PNPLA7: variants seen among roughly 807,000 people sequenced by gnomAD.
PNPLA7 encodes patatin like domain 7, lysophospholipase.
Under a neutral mutation model 161.7 loss-of-function variants are expected in PNPLA7, and 153 were observed. That is an observed-to-expected ratio of 0.95 (90% CI 0.83 to 1.08). The LOEUF (loss-of-function observed/expected upper bound fraction) is 1.08, where lower values mean the gene tolerates loss of function less well. Among genes scored for constraint, PNPLA7 ranks in the 50% least tolerant of loss-of-function variants. The probability of loss-of-function intolerance (pLI) is 0.00; values close to 1 mark genes in which losing one functional copy is unlikely to be tolerated. For missense variants in PNPLA7, 1,739 were observed against 1,856.6 expected (o/e 0.94, Z 1.16); for synonymous variants, 809 against 782.1 (o/e 1.03, Z -0.57).
In PNPLA7 at chr9:137,495,018, C is replaced by T. The variant is rs1359734723; in HGVS notation, c.2127+15G>A. 1 of 1,600,074 alleles carries T rather than the reference C, an allele frequency of 6.2e-7. No individual in the cohort carries two copies. Among genetic ancestry groups the T allele is most frequent in the East Asian group, 2.2e-5 (1 of 44,694 alleles). On this transcript the variant is annotated intron_variant, in intron 19 of 34. Coordinates refer to ENST00000406427, the MANE Select transcript of PNPLA7 (RefSeq NM_001098537.3). ...ACCCTCATCCGCTCCGCATCCTCACCCACGCCATGCTCACCTGTGGGTACC... is the reference window on the plus strand; with the variant it reads ...ACCCTCATCCGCTCCGCATCCTCACTCACGCCATGCTCACCTGTGGGTACC...
Position 137,500,969 on chromosome 9 carries a change from C to A in PNPLA7, c.1552-73G>T. The A allele has an allele frequency of 7.3e-7, 1 of 1,375,000 alleles. No homozygotes were observed. Among genetic ancestry groups the A allele is most frequent in the Non-Finnish European group, 9.9e-7 (1 of 1,014,072 alleles). 85.2% of individuals were successfully genotyped at this position (1,375,000 alleles called of 1,614,324 possible). ...GACGGGGGCAGCTCTGGGCCCAGAG[C>A]GGACGATGCCACCAGGCTCAGCCGG... On this transcript the variant is annotated intron_variant, in intron 15 of 34. Transcript: ENST00000406427. This position sits in a 1 kb window ranked among gnomAD's most constrained non-coding sequence, Gnocchi z 5.5.
chr9:137,525,105 A>C (rs1835232849), intron 8 of PNPLA7, among the ~76,000 whole-genome samples: 1 of 152,226 alleles, frequency 6.6e-6, no homozygotes, highest in African/African-American at 2.4e-5. Context: ...AAGACCAAGC[A>C]TGTGACTAGA....
chr9:137,520,056 A>C lies in PNPLA7; in HGVS notation c.958-13T>G. 1 of 1,611,566 alleles carries C rather than the reference A, an allele frequency of 6.2e-7. No individual in the cohort carries two copies. The highest frequency in any genetic ancestry group is 8.5e-7 in the Non-Finnish European group (1 of 1,179,696). ...TGGCCTGGCTCTCCTGGGACACAAG[A>C]AGGAAGTTCAGTGCCACCCCAGGAA... On this transcript the variant is annotated splice_polypyrimidine_tract_variant and intron_variant, in intron 10 of 34. Transcript: ENST00000406427. The surrounding 1 kb of genome is among the most constrained non-coding windows in gnomAD (Gnocchi z 5.2).
chr9:137,500,750 GAAGAT>G lies in PNPLA7; in HGVS notation c.1693_1697del (p.Ile565HisfsTer20), dbSNP rs1205592867. ...TGCAGTCCCTGTTGGCCTTGACGGTGAAGATGAGAGGCTCCCCGGTGAGCACGGCC... is the reference window on the plus strand; with the variant it reads ...TGCAGTCCCTGTTGGCCTTGACGGTGGAGAGGCTCCCCGGTGAGCACGGCC... On this transcript the variant is annotated frameshift_variant, in exon 16 of 35. Coordinates refer to ENST00000406427, the MANE Select transcript of PNPLA7 (RefSeq NM_001098537.3). LOFTEE classifies it high-confidence loss of function. This position sits in a 1 kb window ranked among gnomAD's most constrained non-coding sequence, Gnocchi z 5.5. 3.0e-5 allele frequency: 48 copies of G among 1,612,386 alleles called. No individual in the cohort carries two copies. Among genetic ancestry groups the G allele is most frequent in the Non-Finnish European group, 3.9e-5 (46 of 1,179,904 alleles).
At chr9:137,501,055 C>T (rs985182611) in intron 15 of PNPLA7, among the ~76,000 whole-genome samples, 159 bp from the exon 16 acceptor site, 10 of 152,192 alleles carry the variant, frequency 6.6e-5, no homozygotes, top group Admixed American at 2.6e-4. Context: ...ATTTCGGCAG[C>T]GTCTACGGTT....
intron 19 of PNPLA7, among the ~76,000 whole-genome samples, chr9:137,493,958 G>A (rs183600697): frequency 7.9e-5 from 12 of 152,352 alleles, no homozygotes; most frequent in Non-Finnish European, 1.3e-4. Context: ...GCGGGCAGGA[G>A]AACCATGGCC....
At chr9:137,502,729 G>GGGGGGGACGCGGGGGACGCGGGGGACGA (rs1564321721) in intron 14 of PNPLA7, among the ~76,000 whole-genome samples, 1 of 68,948 alleles carries the variant, frequency 1.5e-5, no homozygotes, top group East Asian at 5.2e-4. Context: ...CGCGGGGGAC[G>GGGGGGGACGCGGGGGACGCGGGGGACGA]GGGGGGACGA....
In PNPLA7 at chr9:137,499,926, G is replaced by C. The variant is rs1346688891; in HGVS notation, c.1757+765C>G. On this transcript the variant is annotated intron_variant, in intron 16 of 34. Transcript: ENST00000406427. The surrounding 1 kb of genome is among the most constrained non-coding windows in gnomAD (Gnocchi z 5.5). ...CCTATGAGGGTGCGGAGGACTTCCA[G>C]AAAACACACACAGAACGGCTCAAGC... Among the ~76,000 whole-genome samples, 1 of 152,256 alleles carries C rather than the reference G, an allele frequency of 6.6e-6. No homozygotes were observed. The highest frequency in any genetic ancestry group is 1.5e-5 in the Non-Finnish European group (1 of 68,044).
intron 25 of PNPLA7, among the ~76,000 whole-genome samples, chr9:137,471,200 A>G (rs1831687371): frequency 2.0e-5 from 3 of 152,280 alleles, no homozygotes; most frequent in Non-Finnish European, 2.9e-5. Flanking sequence ...CAACAAAGCT[A>G]CAAGAATAAA....
chr9:137,492,922 GC>G, intron 20 of PNPLA7, 90 bp downstream of exon 20: 6 of 1,116,466 alleles, frequency 5.4e-6, no homozygotes, highest in Non-Finnish European at 7.6e-6. Flanking sequence ...GGGGCCATGG[GC>G]TGGGAGGGCG....
Position 137,541,320 on chromosome 9 carries a change from G to C in PNPLA7, c.667-598C>G. The C allele has an allele frequency of 1.7e-6, 1 of 599,952 alleles. No individual in the cohort carries two copies. Among genetic ancestry groups the C allele is most frequent in the Non-Finnish European group, 2.1e-6 (1 of 477,692 alleles). 37.2% of individuals were successfully genotyped at this position (599,952 alleles called of 1,614,324 possible). On this transcript the variant is annotated intron_variant, in intron 7 of 34. Transcript: ENST00000406427. This position sits in a 1 kb window ranked among gnomAD's most constrained non-coding sequence, Gnocchi z 4.4. ...ACGAAAGCCGCTGCTTCACCAGCTGGGCGGCCTCATCCCCAGGAGCTACTG... is the reference window on the plus strand; with the variant it reads ...ACGAAAGCCGCTGCTTCACCAGCTGCGCGGCCTCATCCCCAGGAGCTACTG...
intron 8 of PNPLA7, among the ~76,000 whole-genome samples, chr9:137,538,246 T>A (rs1835999250): frequency 6.6e-6 from 1 of 152,038 alleles, no homozygotes; most frequent in African/African-American, 2.4e-5. Context: ...AGGCCACGCG[T>A]CACGTGAAGA....
Position 137,462,856 on chromosome 9 carries a change from T to TA in PNPLA7, c.3344-24dup, listed in dbSNP as rs765018245. 1.9e-6 allele frequency: 3 copies of TA among 1,612,802 alleles called. No individual in the cohort carries two copies. The South Asian group carries it at 3.3e-5, about 18-fold the overall frequency. On this transcript the variant is annotated intron_variant, in intron 29 of 34. Coordinates refer to ENST00000406427, the MANE Select transcript of PNPLA7 (RefSeq NM_001098537.3). Reference sequence around the variant, plus strand: ...CCGCTAGGGAGAAGCCAGCCCTGGTTACCCCCTGGACAGGCATGCAGAGCC... The same window carrying TA: ...CCGCTAGGGAGAAGCCAGCCCTGGTTAACCCCCTGGACAGGCATGCAGAGCC...
chr9:137,528,392 G>C (rs1285154608), intron 8 of PNPLA7, among the ~76,000 whole-genome samples: 3 of 152,154 alleles, frequency 2.0e-5, no homozygotes, highest in African/African-American at 7.2e-5. Flanking sequence ...GAGTGCCATG[G>C]CACAGTCGTG....
chr9:137,507,162 G>A (rs1031254877), intron 12 of PNPLA7, among the ~76,000 whole-genome samples: 3 of 152,248 alleles, frequency 2.0e-5, no homozygotes, highest in Admixed American at 6.5e-5. Context: ...CCTTCAGCCC[G>A]GTGCACTGTG....
At chr9:137,487,523 C>T (rs555128817) in intron 20 of PNPLA7, among the ~76,000 whole-genome samples, 19 of 152,366 alleles carry the variant, frequency 1.2e-4, no homozygotes, top group African/African-American at 3.8e-4. Context: ...GGGGCACTGG[C>T]GCCTCAGCAC....
At chr9:137,518,851 C>T (rs1416071824) in intron 11 of PNPLA7, among the ~76,000 whole-genome samples, 2 of 122,752 alleles carry the variant, frequency 1.6e-5, no homozygotes, top group African/African-American at 3.4e-5. Context: ...CACTCCATCC[C>T]CCACTCACTC....
intron 4 of PNPLA7, among the ~76,000 whole-genome samples, chr9:137,546,461 C>T (rs111751890): frequency 3.2e-4 from 48 of 152,220 alleles, no homozygotes; most frequent in Middle Eastern, 3.4e-3. Context: ...CTCTCGTCTC[C>T]GCACAGGGGG....
intron 12 of PNPLA7, among the ~76,000 whole-genome samples, chr9:137,511,315 C>A (rs570021215): frequency 5.3e-4 from 81 of 151,832 alleles, no homozygotes; most frequent in Admixed American, 1.9e-3. Context: ...ACTCAGCAGA[C>A]CTTGGCCTGG....
Sources: gnomAD v4.1 joint callset for allele counts (sites outside exome capture counted in the v4.1 genomes callset) on GRCh38, gnomAD v4.1.1 for gene constraint, Gnocchi (gnomAD v3.1) non-coding constraint, MANE v1.5 for transcripts, NCBI Gene and HGNC (gene_info 2026-07-23, HGNC 2026-07-21) for gene names.